POLR3A: variants seen among roughly 807,000 people sequenced by gnomAD.
POLR3A encodes DNA-directed RNA polymerase III subunit RPC1.
Under a neutral mutation model 152.8 loss-of-function variants are expected in POLR3A, and 112 were observed. The ratio of observed to expected loss-of-function variants is 0.73; its 90% CI spans 0.63 to 0.86. POLR3A has a LOEUF of 0.86. Ranked by LOEUF, POLR3A falls within the 40% of genes least tolerant of loss-of-function variation. The pLI is 0.00. For missense variants in POLR3A, 1,385 were observed against 1,743.1 expected (o/e 0.79, Z 3.66); for synonymous variants, 615 against 652.1 (o/e 0.94, Z 0.87).
At chr10:78,002,625 G>A (rs1380937461) in intron 16 of POLR3A, among the ~76,000 whole-genome samples, 2 of 152,000 alleles carry the variant, frequency 1.3e-5, no homozygotes, top group Non-Finnish European at 2.9e-5. Flanking sequence ...TCAAACTCCC[G>A]GGCTCAAGTG....
rs774558569 is a variant in POLR3A, at chr10:78,021,879, T to C, written c.1029A>G (p.Gln343=). ...ACCTACCCTGTTTTCCCTTCAGGCGTTGGACGAAGCCTCTGGTCCACTTCT... is the reference window on the plus strand; with the variant it reads ...ACCTACCCTGTTTTCCCTTCAGGCGCTGGACGAAGCCTCTGGTCCACTTCT... ...APKKWTRGFV[Q]RLKGKQGRFR... Residue 343 remains glutamine (Q), a synonymous_variant, in exon 7 of 31, where the codon CAA becomes CAG. Transcript: ENST00000372371. 2.5e-6 allele frequency: 4 copies of C among 1,614,028 alleles called. No individual in the cohort carries two copies. Among genetic ancestry groups the C allele is most frequent in the African/African-American group, 1.3e-5 (1 of 75,028 alleles).
At position 77,977,380 on chromosome 10, in the gene POLR3A, C is replaced by T. The variant is rs963878119; in HGVS notation, c.*98G>A. On this transcript the variant is annotated 3_prime_UTR_variant, in exon 31 of 31. Coordinates refer to ENST00000372371, the MANE Select transcript of POLR3A (RefSeq NM_007055.4). ...CTCTGATTGCTGGCATAGGTGGGGA[C>T]CTCAGGACCCCCGTCCCAGGGAGCA... The T allele has an allele frequency of 4.7e-6, 6 of 1,288,682 alleles. No individual in the cohort carries two copies. Among genetic ancestry groups the T allele is most frequent in the Middle Eastern group, 2.6e-4 (1 of 3,856 alleles). 79.8% of individuals were successfully genotyped at this position (1,288,682 alleles called of 1,614,324 possible). A position where few individuals can be genotyped will look rare whatever the true frequency, so the allele number is the denominator to read the frequency against.
chr10:78,009,416 C>T (rs1564619958), intron 14 of POLR3A, 121 bp downstream of exon 14: 4 of 1,403,206 alleles, frequency 2.9e-6, no homozygotes, highest in Admixed American at 3.4e-5. Flanking sequence ...AAACTTTCCA[C>T]CTAAGGCTTA....
At chr10:78,001,252 A>T (rs1301085232) in intron 17 of POLR3A, among the ~76,000 whole-genome samples, 158 bp from the exon 18 acceptor site, 1 of 152,190 alleles carries the variant, frequency 6.6e-6, no homozygotes, top group Non-Finnish European at 1.5e-5. Context: ...GACAACAAGG[A>T]GCTGTCAGGA....
intron 21 of POLR3A, among the ~76,000 whole-genome samples, chr10:77,990,742 G>C (rs191576113): frequency 6.6e-6 from 1 of 151,008 alleles, no homozygotes; most frequent in Admixed American, 6.6e-5. Context: ...TCAGCCTCCC[G>C]AGCTGGGATT....
rs189624610 is a variant in POLR3A at position 77,985,721 on chromosome 10, C to T, written c.3071+182G>A. Reference sequence around the variant, plus strand: ...TAAGAAATTTCCTTGCAATTATTTCCGTTATCTTGGAGCATTCAGACTGGC... The same window carrying T: ...TAAGAAATTTCCTTGCAATTATTTCTGTTATCTTGGAGCATTCAGACTGGC... On this transcript the variant is annotated intron_variant, in intron 23 of 30. Coordinates refer to ENST00000372371, the MANE Select transcript of POLR3A (RefSeq NM_007055.4). Among the ~76,000 whole-genome samples, 8 of 152,316 alleles carry T rather than the reference C, an allele frequency of 5.3e-5. No individual in the cohort carries two copies. In the East Asian group the frequency reaches 1.4e-3, roughly 26 times the overall value.
intron 21 of POLR3A, among the ~76,000 whole-genome samples, chr10:77,986,426 C>A (rs1258335151): frequency 2.0e-5 from 3 of 152,178 alleles, no homozygotes; most frequent in Non-Finnish European, 4.4e-5. Context: ...ATGGCACTAT[C>A]TACAGAGCCC....
Position 78,021,243 on chromosome 10 carries a change from A to G in POLR3A, c.1185+303T>C, listed in dbSNP as rs79360851. On this transcript the variant is annotated intron_variant, in intron 8 of 30. Coordinates refer to ENST00000372371, the MANE Select transcript of POLR3A (RefSeq NM_007055.4). ...TGGCCTCCCTAAGTATTGGGATTAC[A>G]GGCATTAGCCACCATGCTCGGTCAA... 3.9e-3 allele frequency among the ~76,000 whole-genome samples: 589 copies of G among 152,360 alleles called. 6 individuals carry two copies. Among genetic ancestry groups the G allele is most frequent in the African/African-American group, 0.013 (525 of 41,592 alleles).
chr10:78,020,755 T>G (rs1847571690), intron 8 of POLR3A, among the ~76,000 whole-genome samples: 1 of 152,068 alleles, frequency 6.6e-6, no homozygotes, highest in Non-Finnish European at 1.5e-5. Context: ...GCCACTGCAC[T>G]CCAGCCTGGG....
chr10:78,006,221 A>AC (rs1463885692), intron 15 of POLR3A, among the ~76,000 whole-genome samples: 2 of 151,842 alleles, frequency 1.3e-5, no homozygotes, highest in Non-Finnish European at 2.9e-5. Flanking sequence ...ACATGGTGAA[A>AC]CCCCGTCTCT....
At chr10:78,017,254 C>G (rs888422266) in intron 10 of POLR3A, among the ~76,000 whole-genome samples, 1 of 151,706 alleles carries the variant, frequency 6.6e-6, no homozygotes, top group Non-Finnish European at 1.5e-5. Context: ...GTGAGACCCC[C>G]GTCTCAACCA....
At chr10:78,019,005 G>C (rs1453079111) in intron 9 of POLR3A, among the ~76,000 whole-genome samples, 157 bp downstream of exon 9, 1 of 152,162 alleles carries the variant, frequency 6.6e-6, no homozygotes, top group Admixed American at 6.5e-5. Context: ...CAGAGCAAAT[G>C]ACATACCTTG....
chr10:78,012,102 C>T (rs1285294571), intron 11 of POLR3A, among the ~76,000 whole-genome samples: 2 of 152,192 alleles, frequency 1.3e-5, no homozygotes, highest in African/African-American at 4.8e-5. Context: ...CAATGGCTCA[C>T]ACCTGTAATC....
At chr10:77,980,423 T>C (rs1847129922) in intron 29 of POLR3A, 150 bp from the exon 30 acceptor site, 3 of 723,038 alleles carry the variant, frequency 4.1e-6, no homozygotes, top group Non-Finnish European at 7.4e-6. Flanking sequence ...GGGTCCGCCC[T>C]CTGTGTCCCA....
chr10:77,997,918 AACCAAAACAGAGATATAGACTGGT>A lies in POLR3A; in HGVS notation c.2616+2039_2616+2062del, dbSNP rs568378361. Among the ~76,000 whole-genome samples the A allele has an allele frequency of 7.2e-4, 109 of 152,296 alleles. No homozygotes were observed. In the East Asian group the frequency reaches 0.019, roughly 27 times the overall value. ...ACTTCAAACTACACAAGGCTACAGTAACCAAAACAGAGATATAGACTGGTACCAAAACAGAGATATAGACCAGTG... is the reference window on the plus strand; with the variant it reads ...ACTTCAAACTACACAAGGCTACAGTAACCAAAACAGAGATATAGACCAGTG... On this transcript the variant is annotated intron_variant, in intron 19 of 30. Transcript: ENST00000372371.
At chr10:77,998,440 C>G (rs1402273689) in intron 19 of POLR3A, among the ~76,000 whole-genome samples, 2 of 152,156 alleles carry the variant, frequency 1.3e-5, no homozygotes, top group Non-Finnish European at 2.9e-5. Context: ...CTACAATGAA[C>G]TCAAACAAAT....
At chr10:78,025,975 A>G (rs998977536) in intron 2 of POLR3A, 119 bp downstream of exon 2, 51 of 1,329,698 alleles carry the variant, frequency 3.8e-5, no homozygotes, top group Non-Finnish European at 5.0e-5. Context: ...ACCTAGTCTA[A>G]TATGTGCAGG....
At position 78,022,144 on chromosome 10, in the gene POLR3A, C is replaced by T; in HGVS notation, c.885+1G>A. ...CTTACAAGGAAATGGGAGGCACTGACCTTTTTAATAACATCGTTTAGGAAA... is the reference window on the plus strand; with the variant it reads ...CTTACAAGGAAATGGGAGGCACTGATCTTTTTAATAACATCGTTTAGGAAA... On this transcript the variant is annotated splice_donor_variant, in intron 6 of 30. Transcript: ENST00000372371. LOFTEE classifies it high-confidence loss of function. The T allele has an allele frequency of 6.2e-7, 1 of 1,614,168 alleles. No individual in the cohort carries two copies. Among genetic ancestry groups the T allele is most frequent in the Non-Finnish European group, 8.5e-7 (1 of 1,180,030 alleles).
At position 77,982,236 on chromosome 10, in the gene POLR3A, A is replaced by G. The variant is rs1370860604; in HGVS notation, c.3677T>C (p.Leu1226Pro). Residue 1226 changes from leucine to proline, a missense_variant, in exon 28 of 31, where the codon CTG (leucine) becomes CCG (proline). Transcript: ENST00000372371. ...TGCCCGCAGGTTATCACCTTCCACC[A>G]GAAGCTTGTACTTCTCCTTTCCACT... is the stretch of plus-strand genomic sequence containing the variant. The part of the protein sequence containing the change: ...EQSGKEKYKL[L>P]VEGDNLRAVM... 1.5e-5 allele frequency: 24 copies of G among 1,613,854 alleles called. No homozygotes were observed. Among genetic ancestry groups the G allele is most frequent in the African/African-American group, 6.7e-5 (5 of 74,860 alleles).
Sources: allele counts gnomAD v4.1 joint callset (sites outside exome capture counted in the v4.1 genomes callset), GRCh38; gene constraint gnomAD v4.1.1; transcripts MANE v1.5; gene names NCBI Gene and HGNC (gene_info 2026-07-23, HGNC 2026-07-21).